Variants in VCPIP1 observed in about 807,000 individuals in gnomAD.
The protein encoded by VCPIP1 is deubiquitinating protein VCPIP1.
VCPIP1 carries 8 observed loss-of-function variants against 85.0 expected under a neutral mutation model. The ratio of observed to expected loss-of-function variants is 0.09; its 90% confidence interval spans 0.06 to 0.17. The LOEUF (loss-of-function observed/expected upper bound fraction) is 0.17. VCPIP1 is among the 10% of genes least tolerant of loss of function. The pLI is 1.00. For synonymous variants in VCPIP1, 543 were observed against 544.5 expected (o/e 1.00, Z 0.04); for missense variants, 1,070 against 1,486.3 (o/e 0.72, Z 4.61).
chr8:66,647,641 T>C (rs1182143742), intron 2 of VCPIP1, among the ~76,000 whole-genome samples: 3 of 152,124 alleles, frequency 2.0e-5, no homozygotes, highest in Non-Finnish European at 2.9e-5. Flanking sequence ...ATATTTTGCA[T>C]ATCACATAAT....
Position 66,629,902 on chromosome 8 carries a change from A to C in VCPIP1, c.*4599T>G, listed in dbSNP as rs1810817491. The C allele has an allele frequency of 6.6e-6, 1 of 152,180 alleles. No homozygotes were observed. Among genetic ancestry groups the C allele is most frequent in the African/African-American group, 2.4e-5 (1 of 41,450 alleles). 9.4% of individuals were successfully genotyped at this position (152,180 alleles called of 1,614,324 possible). On this transcript the variant is annotated 3_prime_UTR_variant, in exon 3 of 3. Transcript: ENST00000310421. ...ACTGGGTCCATTTCATCTAGCAATG[A>C]AATCTACATTAAGGGGAAAAATCAC...
At chr8:66,648,277 A>C (rs1484610918) in intron 2 of VCPIP1, among the ~76,000 whole-genome samples, 1 of 152,238 alleles carries the variant, frequency 6.6e-6, no homozygotes. Context: ...TGTATAGGGC[A>C]ACATTTGTGC....
In VCPIP1 at chr8:66,643,714, TAAAG is replaced by T. The variant is rs767556768; in HGVS notation, c.2797+7740_2797+7743del. Among the ~76,000 whole-genome samples, 138 of 143,294 alleles carry T rather than the reference TAAAG, an allele frequency of 9.6e-4. 1 individual carries two copies. Among genetic ancestry groups the T allele is most frequent in the Middle Eastern group, 3.6e-3 (1 of 280 alleles). 94.0% of individuals were successfully genotyped at this position (143,294 alleles called of 152,430 possible). A position where few individuals can be genotyped will look rare whatever the true frequency, so the allele number is the denominator to read the frequency against. ...TGAGACTCTGTCTCAAAAAGTAAAATAAAGAAATAAGAAAAAAAAGAGCAAATTA... is the reference window on the plus strand; with the variant it reads ...TGAGACTCTGTCTCAAAAAGTAAAATAAATAAGAAAAAAAAGAGCAAATTA... On this transcript the variant is annotated intron_variant, in intron 2 of 2. Coordinates refer to ENST00000310421, the MANE Select transcript of VCPIP1 (RefSeq NM_025054.5).
At chr8:66,640,979 TG>T (rs1810941740) in intron 2 of VCPIP1, among the ~76,000 whole-genome samples, 2 of 152,212 alleles carry the variant, frequency 1.3e-5, no homozygotes, top group Admixed American at 6.5e-5. Flanking sequence ...AAGCTATTTG[TG>T]GAGGGGAAAG....
At chr8:66,657,509 AT>A (rs1481811918) in intron 1 of VCPIP1, among the ~76,000 whole-genome samples, 2 of 152,190 alleles carry the variant, frequency 1.3e-5, no homozygotes, top group Non-Finnish European at 2.9e-5. Context: ...AAAATGGTTT[AT>A]AAAAAAGGCA....
chr8:66,638,416 G>A (rs1810909997), intron 2 of VCPIP1, among the ~76,000 whole-genome samples: 1 of 150,566 alleles, frequency 6.6e-6, no homozygotes, highest in Non-Finnish European at 1.5e-5. Context: ...GAGCCAGGGA[G>A]GTTGAGGCTG....
intron 1 of VCPIP1, among the ~76,000 whole-genome samples, chr8:66,660,300 G>A (rs1434579112): frequency 6.6e-6 from 1 of 152,206 alleles, no homozygotes; most frequent in Non-Finnish European, 1.5e-5. Flanking sequence ...ATAGGGTTCA[G>A]TCTCTGTCTT....
intron 1 of VCPIP1, among the ~76,000 whole-genome samples, chr8:66,652,526 T>C (rs1024021398): frequency 2.6e-5 from 4 of 151,890 alleles, no homozygotes; most frequent in East Asian, 1.9e-4. Context: ...GGCAGGAGAA[T>C]AGCTTGAACC....
intron 1 of VCPIP1, among the ~76,000 whole-genome samples, chr8:66,659,364 C>T (rs1811133821): frequency 6.6e-6 from 1 of 151,970 alleles, no homozygotes; most frequent in Non-Finnish European, 1.5e-5. Flanking sequence ...ATGAAGATGA[C>T]TGTCTGCAAA....
chr8:66,649,874 T>C (rs1288688439), intron 2 of VCPIP1, among the ~76,000 whole-genome samples: 2 of 152,190 alleles, frequency 1.3e-5, no homozygotes, highest in African/African-American at 2.4e-5. Flanking sequence ...TTATAAATTA[T>C]GCCTCAATAA....
intron 2 of VCPIP1, among the ~76,000 whole-genome samples, chr8:66,639,660 T>C (rs1247560498): frequency 6.6e-6 from 1 of 152,182 alleles, no homozygotes; most frequent in Non-Finnish European, 1.5e-5. Flanking sequence ...TTTCCAAAAA[T>C]GAAGAACAGA....
Position 66,634,699 on chromosome 8 carries a change from C to T in VCPIP1, c.3471G>A (p.Leu1157=), listed in dbSNP as rs1311072557. ...CACCAGTTAAAGGAAAAGATTCAGG[C>T]AAACCAGTCTGAAGACTCCCAGACT... The part of the protein sequence containing the change: ...SAKSGSLQTG[L]PESFPLTGGT... Residue 1157 remains leucine, a synonymous_variant, in exon 3 of 3, where the codon TTG becomes TTA. Coordinates refer to ENST00000310421, the MANE Select transcript of VCPIP1 (RefSeq NM_025054.5). 2 of 1,613,988 alleles carry T rather than the reference C, an allele frequency of 1.2e-6. No homozygotes were observed. Among genetic ancestry groups the T allele is most frequent in the Non-Finnish European group, 1.7e-6 (2 of 1,180,002 alleles).
At chr8:66,644,298 AT>A (rs1810973856) in intron 2 of VCPIP1, among the ~76,000 whole-genome samples, 1 of 152,190 alleles carries the variant, frequency 6.6e-6, no homozygotes, top group Non-Finnish European at 1.5e-5. Flanking sequence ...AAACTAGATA[AT>A]TATCCTTCCT....
intron 2 of VCPIP1, among the ~76,000 whole-genome samples, chr8:66,647,831 A>G (rs954874951): frequency 2.0e-5 from 3 of 152,340 alleles, no homozygotes; most frequent in East Asian, 3.8e-4. Flanking sequence ...CTTGAAATGG[A>G]TCATAAACCT....
rs183955306 is a variant in VCPIP1, at chr8:66,648,240, T to G, written c.2797+3218A>C. On this transcript the variant is annotated intron_variant, in intron 2 of 2. Transcript: ENST00000310421. ...TGCAACAAGACAGATCTCAAAAGCA[T>G]ATTAAAACAAATAGGCACATTTTTT... is the stretch of plus-strand genomic sequence containing the variant. 2.2e-3 allele frequency among the ~76,000 whole-genome samples: 328 copies of G among 152,334 alleles called. 1 individual carries two copies. The highest frequency in any genetic ancestry group is 7.7e-3 in the African/African-American group (320 of 41,570).
chr8:66,665,256 G>A lies in VCPIP1; in HGVS notation c.1703C>T (p.Thr568Ile). 6.2e-7 allele frequency: 1 copy of A among 1,614,182 alleles called. No homozygotes were observed. The highest frequency in any genetic ancestry group is 8.5e-7 in the Non-Finnish European group (1 of 1,180,038). ...GAATCCACAACCACATTTGCCACCAGTGGACCTAGAATTAGTTCTGTCTCC... is the reference window on the plus strand; with the variant it reads ...GAATCCACAACCACATTTGCCACCAATGGACCTAGAATTAGTTCTGTCTCC... ...LDGDRTNSRS[T>I]GGKCGCGFKH... Residue 568 changes from threonine to isoleucine, a missense_variant, in exon 1 of 3, where the codon ACT (threonine) becomes ATT (isoleucine). By Grantham distance (89) the Thr-to-Ile change is moderately conservative. Around this residue, in one of 8 missense-constraint regions of VCPIP1, gnomAD observed 123 missense variants for 156.3 expected, o/e 0.79. Coordinates refer to ENST00000310421, the MANE Select transcript of VCPIP1 (RefSeq NM_025054.5). The surrounding 1 kb of genome is among the most constrained non-coding windows in gnomAD (Gnocchi z 4.3).
chr8:66,637,833 G>T (rs556788694), intron 2 of VCPIP1, among the ~76,000 whole-genome samples: 1 of 151,968 alleles, frequency 6.6e-6, no homozygotes, highest in Non-Finnish European at 1.5e-5. Flanking sequence ...TTAGCCAGGC[G>T]TGGTGGCAGG....
chr8:66,632,252 T>G lies in VCPIP1; in HGVS notation c.*2249A>C, dbSNP rs1035297559. On this transcript the variant is annotated 3_prime_UTR_variant, in exon 3 of 3. Transcript: ENST00000310421. ...AAGAAACCCTATTCTAAAACTTCTT[T>G]GTGAGGATACCTGGCCTACTTCTCA... The G allele has an allele frequency of 6.6e-6, 1 of 152,088 alleles. No individual in the cohort carries two copies. The highest frequency in any genetic ancestry group is 1.5e-5 in the Non-Finnish European group (1 of 67,942). The allele number at this position is 152,088 out of a possible 1,614,324, so 9.4% of individuals were successfully genotyped here.
At position 66,635,378 on chromosome 8, in the gene VCPIP1, A is replaced by T; in HGVS notation, c.2798-6T>A. On this transcript the variant is annotated splice_region_variant and splice_polypyrimidine_tract_variant and intron_variant, in intron 2 of 2. Coordinates refer to ENST00000310421, the MANE Select transcript of VCPIP1 (RefSeq NM_025054.5). Reference sequence around the variant, plus strand: ...ATGCTTGCCATCAGCCATACCTAAAAAGGGGAAAAGATATTTAACATATTA... The same window carrying T: ...ATGCTTGCCATCAGCCATACCTAAATAGGGGAAAAGATATTTAACATATTA... The T allele has an allele frequency of 6.3e-7, 1 of 1,595,076 alleles. No homozygotes were observed. Among genetic ancestry groups the T allele is most frequent in the Non-Finnish European group, 8.5e-7 (1 of 1,172,620 alleles).
Sources: gnomAD v4.1 joint callset for allele counts (sites outside exome capture counted in the v4.1 genomes callset) on GRCh38, gnomAD v4.1.1 for gene constraint, gnomAD v4.1.1 regional missense constraint, Gnocchi (gnomAD v3.1) non-coding constraint, MANE v1.5 for transcripts, NCBI Gene and HGNC (gene_info 2026-07-23, HGNC 2026-07-21) for gene names.